Variants in MOGAT1 observed in about 807,000 individuals in gnomAD.
The protein encoded by MOGAT1 is 2-acylglycerol O-acyltransferase 1.
In MOGAT1, 32 loss-of-function variants were observed where a neutral mutation model predicts 31.4. That is an observed-to-expected ratio of 1.02 (90% CI 0.77 to 1.37). MOGAT1 has a LOEUF of 1.37. Among genes scored for constraint, MOGAT1 ranks in the 40% most tolerant of loss-of-function variants. MOGAT1 has a pLI of 0.00. For synonymous variants in MOGAT1, 145 were observed against 144.5 expected (o/e 1.00, Z -0.03); for missense variants, 426 against 402.0 (o/e 1.06, Z -0.51).
Position 222,689,436 on chromosome 2 carries a change from T to C in MOGAT1, c.445T>C (p.Cys149Arg). The C allele has an allele frequency of 6.2e-7, 1 of 1,614,062 alleles. No individual in the cohort carries two copies. Among genetic ancestry groups the C allele is most frequent in the Non-Finnish European group, 8.5e-7 (1 of 1,179,888 alleles). The change falls in exon 3 of 6, where the codon TGT becomes CGT. Residue 149 changes from cysteine (C) to arginine (R), a missense_variant. Physicochemically the swap from Cys to Arg is radical, Grantham distance 180. Transcript: ENST00000446656. ...YLHVLPLWFW[C>R]PVFREYVMSV... is the part of the protein sequence containing the mutation. Reference sequence around the variant, plus strand: ...TCACGTGCTGCCACTTTGGTTCTGGTGTCCTGTCTTTCGAGAATATGTGAT... The same window carrying C: ...TCACGTGCTGCCACTTTGGTTCTGGCGTCCTGTCTTTCGAGAATATGTGAT...
chr2:222,687,705 C>T (rs113381509), intron 1 of MOGAT1, among the ~76,000 whole-genome samples: 1,981 of 152,182 alleles, frequency 0.013, 43 homozygotes, highest in African/African-American at 0.045. Flanking sequence ...CTGAAGAGTC[C>T]CACCTTTGCT....
At chr2:222,690,517 A>G (rs779614373) in intron 3 of MOGAT1, among the ~76,000 whole-genome samples, 5 of 152,182 alleles carry the variant, frequency 3.3e-5, no homozygotes, top group Non-Finnish European at 5.9e-5. Flanking sequence ...ACATTTTGCC[A>G]CTGCACTCCA....
intron 2 of MOGAT1, 67 bp downstream of exon 2, chr2:222,688,589 C>T: frequency 8.7e-7 from 1 of 1,146,698 alleles, no homozygotes; most frequent in Non-Finnish European, 1.2e-6. Flanking sequence ...GTTTTCATCA[C>T]ATATATCTCA....
At chr2:222,709,107 G>A (rs371281638) in intron 5 of MOGAT1, among the ~76,000 whole-genome samples, 196 of 152,222 alleles carry the variant, frequency 1.3e-3, no homozygotes, top group African/African-American at 4.4e-3. Flanking sequence ...GAGGTCAGGA[G>A]TTCAAGACCA....
intron 3 of MOGAT1, among the ~76,000 whole-genome samples, chr2:222,692,266 AT>A (rs1159491202): frequency 6.6e-6 from 1 of 152,222 alleles, no homozygotes; most frequent in African/African-American, 2.4e-5. Context: ...GGAGATTAAT[AT>A]CAAAAATATT....
chr2:222,679,842 C>A (rs1692552093), intron 1 of MOGAT1, among the ~76,000 whole-genome samples: 2 of 152,188 alleles, frequency 1.3e-5, no homozygotes, highest in Non-Finnish European at 2.9e-5. Flanking sequence ...TCCAAACAGA[C>A]CAGTTTTCCT....
intron 3 of MOGAT1, among the ~76,000 whole-genome samples, chr2:222,693,695 A>G (rs1431998069): frequency 6.6e-6 from 1 of 152,042 alleles, no homozygotes; most frequent in Non-Finnish European, 1.5e-5. Context: ...CATGGGACTT[A>G]TTCACTATCA....
In MOGAT1 at chr2:222,688,350, T is replaced by A. The variant is rs759882659; in HGVS notation, c.101T>A (p.Met34Lys). 21 of 1,608,058 alleles carry A rather than the reference T, an allele frequency of 1.3e-5. No homozygotes were observed. Among genetic ancestry groups the A allele is most frequent in the Non-Finnish European group, 1.7e-5 (20 of 1,177,462 alleles). Reference sequence around the variant, plus strand: ...ACTTTTTCTTTTCTTACAGGGCCGATGTCCATTGGAATCACTGTGATGCTG... The same window carrying A: ...ACTTTTTCTTTTCTTACAGGGCCGAAGTCCATTGGAATCACTGTGATGCTG... ...WVLKYLLLGP[M>K]SIGITVMLII... Residue 34 changes from methionine (M) to lysine (K), a missense_variant, in exon 2 of 6, where the codon ATG becomes AAG. Coordinates refer to ENST00000446656, the MANE Select transcript of MOGAT1 (RefSeq NM_058165.3).
chr2:222,702,102 A>G (rs1048493342), intron 5 of MOGAT1, among the ~76,000 whole-genome samples: 2 of 152,248 alleles, frequency 1.3e-5, no homozygotes, highest in South Asian at 2.1e-4. Context: ...CTGTGTAAGT[A>G]ACTTGCCAAA....
intron 5 of MOGAT1, among the ~76,000 whole-genome samples, chr2:222,703,459 T>A (rs942371182): frequency 1.3e-5 from 2 of 152,194 alleles, no homozygotes; most frequent in Non-Finnish European, 2.9e-5. Flanking sequence ...ATAATCTCGG[T>A]GCCAAAGTGG....
At chr2:222,702,103 A>G (rs1692938700) in intron 5 of MOGAT1, among the ~76,000 whole-genome samples, 1 of 152,218 alleles carries the variant, frequency 6.6e-6, no homozygotes, top group Non-Finnish European at 1.5e-5. Flanking sequence ...TGTGTAAGTA[A>G]CTTGCCAAAA....
In MOGAT1 at chr2:222,688,486, T is replaced by C. The variant is rs1692709866; in HGVS notation, c.237T>C (p.Thr79=). 6.2e-7 allele frequency: 1 copy of C among 1,613,692 alleles called. No homozygotes were observed. Among genetic ancestry groups the C allele is most frequent in the Non-Finnish European group, 8.5e-7 (1 of 1,179,786 alleles). ...GATCCAGCTGGATCAAAAATTGGAC[T>C]CTTTGGAAACACTTTAAGGACTATT... ...GRRSSWIKNW[T]LWKHFKDYFP... The change falls in exon 2 of 6, where the codon ACT becomes ACC. Residue 79 remains threonine, a synonymous_variant. Transcript: ENST00000446656.
chr2:222,672,965 G>A (rs1692443004), intron 1 of MOGAT1, among the ~76,000 whole-genome samples: 1 of 150,640 alleles, frequency 6.6e-6, no homozygotes, highest in Non-Finnish European at 1.5e-5. Flanking sequence ...CCACGCTGGA[G>A]TGCAGTGGCG....
rs374553526 is a variant in MOGAT1, at chr2:222,709,873, A to T, written c.991A>T (p.Thr331Ser). The T allele has an allele frequency of 1.9e-4, 299 of 1,602,796 alleles. No individual in the cohort carries two copies. The highest frequency in any genetic ancestry group is 2.4e-4 in the Non-Finnish European group (285 of 1,175,776). Residue 331 changes from threonine to serine, a missense_variant, in exon 6 of 6, where the codon ACT becomes TCT. By Grantham distance (58) the Thr-to-Ser change is moderately conservative (BLOSUM62 1). Transcript: ENST00000446656. ...AAAGTATGGCATTCCAGAGCACGAG[A>T]CTCTTGTTTTAAAATGACTTGACTA... ...KGKYGIPEHE[T>S]LVLK
intron 1 of MOGAT1, among the ~76,000 whole-genome samples, chr2:222,685,566 T>C (rs1242716587): frequency 6.6e-6 from 1 of 151,702 alleles, no homozygotes; most frequent in Admixed American, 6.6e-5. Flanking sequence ...CGTTATCTAG[T>C]TACCTAGTTT....
intron 5 of MOGAT1, among the ~76,000 whole-genome samples, chr2:222,701,231 G>T (rs913623064): frequency 6.6e-6 from 1 of 151,480 alleles, no homozygotes; most frequent in Non-Finnish European, 1.5e-5. Context: ...CTGCACTCCA[G>T]CCTGGGTGAC....
At chr2:222,697,911 G>A (rs781371204) in intron 5 of MOGAT1, among the ~76,000 whole-genome samples, 1 of 151,814 alleles carries the variant, frequency 6.6e-6, no homozygotes, top group Non-Finnish European at 1.5e-5. Flanking sequence ...GATGGGTAAT[G>A]TGCCGATGTT....
Position 222,671,828 on chromosome 2 carries a change from C to A in MOGAT1, c.43C>A (p.Arg15=), listed in dbSNP as rs370650786. ...FAPLNIQLAR[R]LQTVAVLQWV... ...ACCGCTCAACATCCAGCTGGCGCGG[C>A]GGCTGCAGACGGTGGCCGTGCTGCA... The change falls in exon 1 of 6, where the codon CGG becomes AGG. Residue 15 remains arginine, a synonymous_variant. Coordinates refer to ENST00000446656, the MANE Select transcript of MOGAT1 (RefSeq NM_058165.3). 3.3e-4 allele frequency: 505 copies of A among 1,553,516 alleles called. No homozygotes were observed. The highest frequency in any genetic ancestry group is 4.0e-4 in the Non-Finnish European group (465 of 1,148,564).
At chr2:222,702,090 C>T (rs1692938450) in intron 5 of MOGAT1, among the ~76,000 whole-genome samples, 1 of 152,152 alleles carries the variant, frequency 6.6e-6, no homozygotes, top group Admixed American at 6.5e-5. Context: ...GTTTCTAGTT[C>T]CCTGTGTAAG....
Sources: gnomAD v4.1 joint callset for allele counts (sites outside exome capture counted in the v4.1 genomes callset) on GRCh38, gnomAD v4.1.1 for gene constraint, MANE v1.5 for transcripts, NCBI Gene and HGNC (gene_info 2026-07-23, HGNC 2026-07-21) for gene names.